EPHA5: variants seen among roughly 807,000 people sequenced by gnomAD.
EPHA5 encodes ephrin type-A receptor 5.
In EPHA5, 60 loss-of-function variants were observed where a neutral mutation model predicts 105.0. That is an observed-to-expected ratio of 0.57 (90% confidence interval 0.46 to 0.71). The LOEUF is 0.71. Among genes scored for constraint, EPHA5 ranks in the 30% least tolerant of loss-of-function variants. EPHA5 has a pLI of 0.00. For synonymous variants in EPHA5, 513 were observed against 449.1 expected (o/e 1.14, Z -1.80); for missense variants, 1,218 against 1,274.7 (o/e 0.96, Z 0.68).
intron 3 of EPHA5, chr4:65,573,920 C>T: frequency 6.2e-7 from 1 of 1,606,922 alleles, no homozygotes. Flanking sequence ...TGATCATCCT[C>T]ACTGGACGCC....
At chr4:65,511,910 A>C (rs1304339002) in intron 3 of EPHA5, among the ~76,000 whole-genome samples, 1 of 152,220 alleles carries the variant, frequency 6.6e-6, no homozygotes. Flanking sequence ...ACAGAGTAAA[A>C]GAGAGGTGTC....
At chr4:65,410,998 G>A (rs928838712) in intron 7 of EPHA5, among the ~76,000 whole-genome samples, 7 of 152,212 alleles carry the variant, frequency 4.6e-5, no homozygotes, top group African/African-American at 1.7e-4. Flanking sequence ...GAGTTTGGCT[G>A]AATGGTTTTA....
At chr4:65,412,759 T>G (rs1723031417) in intron 7 of EPHA5, among the ~76,000 whole-genome samples, 1 of 152,148 alleles carries the variant, frequency 6.6e-6, no homozygotes, top group Non-Finnish European at 1.5e-5. Flanking sequence ...GTCCTCTAAG[T>G]CATCTGATTG....
chr4:65,356,154 T>C (rs1300117812), intron 11 of EPHA5, among the ~76,000 whole-genome samples: 1 of 151,562 alleles, frequency 6.6e-6, no homozygotes. Flanking sequence ...TTACCCCATG[T>C]CCTTTATGTT....
chr4:65,398,534 T>C (rs952353646), intron 8 of EPHA5, among the ~76,000 whole-genome samples: 1 of 152,132 alleles, frequency 6.6e-6, no homozygotes, highest in African/African-American at 2.4e-5. Flanking sequence ...GCCTGGGGGC[T>C]AAGCTTTCAC....
At chr4:65,354,054 G>A (rs1270490690) in intron 11 of EPHA5, among the ~76,000 whole-genome samples, 1 of 151,728 alleles carries the variant, frequency 6.6e-6, no homozygotes, top group East Asian at 1.9e-4. Context: ...TCCCGGGCAA[G>A]TCAATTCTTA....
intron 14 of EPHA5, among the ~76,000 whole-genome samples, chr4:65,339,201 C>T (rs28585608): frequency 6.6e-6 from 1 of 152,082 alleles, no homozygotes; most frequent in African/African-American, 2.4e-5. Flanking sequence ...GCTCTCTGGG[C>T]TCCTTCTATC....
At chr4:65,368,136 C>T (rs1037511962) in intron 8 of EPHA5, among the ~76,000 whole-genome samples, 7 of 151,966 alleles carry the variant, frequency 4.6e-5, no homozygotes, top group African/African-American at 1.7e-4. Flanking sequence ...GGATTGAAAT[C>T]CCTCACTACT....
rs761573855 is a variant in EPHA5 at position 65,669,682 on chromosome 4, T to TGTCGCC, written c.55_60dup (p.Gly19_Asp20dup). 1 of 1,323,330 alleles carries TGTCGCC rather than the reference T, an allele frequency of 7.6e-7. No individual in the cohort carries two copies. The highest frequency in any genetic ancestry group is 2.3e-5 in the South Asian group (1 of 43,116). 82.0% of individuals were successfully genotyped at this position (1,323,330 alleles called of 1,614,324 possible). ...GCCAGGGACGCTGGGGTGATGGGGG[T>TGTCGCC]GTCGCCGCCGCCGCTTGGGGGCCGC... On this transcript the variant is annotated inframe_insertion, in exon 1 of 17. Transcript: ENST00000613740.
At chr4:65,363,196 AAGAT>A (rs1283878280) in intron 11 of EPHA5, among the ~76,000 whole-genome samples, 8 of 151,502 alleles carry the variant, frequency 5.3e-5, no homozygotes, top group African/African-American at 1.9e-4. Flanking sequence ...CATAGGAAGA[AAGAT>A]AAGTGGAGAA....
At chr4:65,330,030 G>A (rs1037373602) in intron 16 of EPHA5, among the ~76,000 whole-genome samples, 2 of 151,302 alleles carry the variant, frequency 1.3e-5, no homozygotes, top group Non-Finnish European at 3.0e-5. Context: ...AGCTTTCTTG[G>A]AGTTATGATC....
At chr4:65,575,254 C>G (rs1469468878) in intron 3 of EPHA5, among the ~76,000 whole-genome samples, 1 of 152,090 alleles carries the variant, frequency 6.6e-6, no homozygotes, top group Non-Finnish European at 1.5e-5. Context: ...CTACTGCTCA[C>G]AACCTTGGAT....
At chr4:65,628,253 A>C (rs1018816822) in intron 2 of EPHA5, among the ~76,000 whole-genome samples, 1 of 152,080 alleles carries the variant, frequency 6.6e-6, no homozygotes, top group Non-Finnish European at 1.5e-5. Flanking sequence ...TCATTTTAAC[A>C]TTTTATTGAC....
At chr4:65,665,181 T>C (rs76514192) in intron 1 of EPHA5, among the ~76,000 whole-genome samples, 3,094 of 152,012 alleles carry the variant, frequency 0.02, 117 homozygotes, top group African/African-American at 0.069. Flanking sequence ...GCTAATATAA[T>C]TATGTACATT....
At chr4:65,470,454 A>T (rs1384194104) in intron 5 of EPHA5, among the ~76,000 whole-genome samples, 1 of 152,008 alleles carries the variant, frequency 6.6e-6, no homozygotes, top group East Asian at 1.9e-4. Context: ...AGCCACCCAA[A>T]GTACTGGCAT....
chr4:65,441,929 C>A (rs143901490), intron 5 of EPHA5, among the ~76,000 whole-genome samples: 1 of 152,156 alleles, frequency 6.6e-6, no homozygotes, highest in African/African-American at 2.4e-5. Context: ...ATTTATAGAG[C>A]GTTCACCATG....
intron 11 of EPHA5, among the ~76,000 whole-genome samples, chr4:65,356,281 T>C (rs1027362220): frequency 1.3e-5 from 2 of 151,576 alleles, no homozygotes; most frequent in Admixed American, 6.6e-5. Context: ...TTTAGAGTTA[T>C]GGGTTAGTGG....
At position 65,321,552 on chromosome 4, in the gene EPHA5, C is replaced by T; in HGVS notation, c.*2562G>A. On this transcript the variant is annotated 3_prime_UTR_variant, in exon 17 of 17. Transcript: ENST00000613740. ...TTCATTCTAAAGTCATATTAACCTT[C>T]CTTAGAAATTCTCAACCAAATTGAG... 4.4e-6 allele frequency: 1 copy of T among 229,104 alleles called. No individual in the cohort carries two copies. Among genetic ancestry groups the T allele is most frequent in the Non-Finnish European group, 8.7e-6 (1 of 115,380 alleles). The allele number at this position is 229,104 out of a possible 1,614,324, so 14.2% of individuals were successfully genotyped here.
chr4:65,441,611 G>A (rs974069832), intron 5 of EPHA5, among the ~76,000 whole-genome samples: 1 of 152,060 alleles, frequency 6.6e-6, no homozygotes, highest in Non-Finnish European at 1.5e-5. Flanking sequence ...GAATGACCTA[G>A]AAGAACAAAT....
Sources: allele counts gnomAD v4.1 joint callset (sites outside exome capture counted in the v4.1 genomes callset), GRCh38; gene constraint gnomAD v4.1.1; transcripts MANE v1.5; gene names NCBI Gene and HGNC (gene_info 2026-07-23, HGNC 2026-07-21).